The following KIF11 variants were observed in gnomAD, a reference collection of about 807,000 sequenced individuals.
The protein encoded by KIF11 is kinesin family member 11, also known as kinesin-like protein KIF11.
KIF11 carries 9 observed loss-of-function variants against 121.0 expected under a neutral mutation model. That is an observed-to-expected ratio of 0.07 (90% CI 0.04 to 0.13). KIF11 has a LOEUF of 0.13. KIF11 is among the 10% of genes least tolerant of loss of function. The probability of loss-of-function intolerance (pLI) is 1.00; values close to 1 mark genes in which losing one functional copy is unlikely to be tolerated. For missense variants in KIF11, 846 were observed against 1,217.5 expected, an observed-to-expected ratio of 0.69 and a Z score of 4.54; for synonymous variants, 408 against 421.0, an observed-to-expected ratio of 0.97 and a Z score of 0.38.
At chr10:92,631,144 A>G (rs972422428) in intron 12 of KIF11, among the ~76,000 whole-genome samples, 4 of 150,952 alleles carry the variant, frequency 2.6e-5, no homozygotes, top group Non-Finnish European at 5.9e-5. Context: ...AAATACAAAA[A>G]TTAGCCAGGC....
rs544767485 is a variant in KIF11, at chr10:92,632,159, T to C, written c.1495-327T>C. ...AGTTAAAGCATTTCTTCTGATACAA[T>C]GTCTAAAATTGACTTTTTTTTTTTG... On this transcript the variant is annotated intron_variant, in intron 12 of 21. Coordinates refer to ENST00000260731, the MANE Select transcript of KIF11 (RefSeq NM_004523.4). Among the ~76,000 whole-genome samples the C allele has an allele frequency of 7.2e-5, 11 of 152,200 alleles. No individual in the cohort carries two copies. In the East Asian group the frequency reaches 2.1e-3, roughly 29 times the overall value.
chr10:92,636,623 AG>A (rs1844800650), intron 14 of KIF11, among the ~76,000 whole-genome samples: 1 of 152,112 alleles, frequency 6.6e-6, no homozygotes, highest in Non-Finnish European at 1.5e-5. Context: ...TCTCAAAAAA[AG>A]AAAAAAAGAA....
chr10:92,602,529 C>G (rs1420782400), intron 1 of KIF11, among the ~76,000 whole-genome samples: 5 of 151,976 alleles, frequency 3.3e-5, no homozygotes, highest in African/African-American at 1.2e-4. Context: ...GCTGGGTTAT[C>G]CGATTTGTTG....
At chr10:92,619,586 T>C (rs1309775656) in intron 9 of KIF11, among the ~76,000 whole-genome samples, 1 of 152,164 alleles carries the variant, frequency 6.6e-6, no homozygotes, top group East Asian at 1.9e-4. Context: ...TCAAATTGGC[T>C]GTATCATTTT....
At chr10:92,622,883 A>G (rs893394601) in intron 10 of KIF11, among the ~76,000 whole-genome samples, 1 of 152,134 alleles carries the variant, frequency 6.6e-6, no homozygotes. Flanking sequence ...ACATATTCAC[A>G]TGGCGGCAGG....
At chr10:92,625,797 G>T (rs1589599422) in intron 10 of KIF11, among the ~76,000 whole-genome samples, 2 of 152,210 alleles carry the variant, frequency 1.3e-5, no homozygotes, top group East Asian at 3.9e-4. Flanking sequence ...TCCAAGCTGA[G>T]TGCCAAACAA....
intron 10 of KIF11, among the ~76,000 whole-genome samples, chr10:92,627,145 A>G (rs1244301834): frequency 2.0e-5 from 3 of 152,238 alleles, no homozygotes; most frequent in Non-Finnish European, 2.9e-5. Context: ...GCTCTTTTCT[A>G]GCTTTTCCTT....
At position 92,632,655 on chromosome 10, in the gene KIF11, A is replaced by G. The variant is rs752403100; in HGVS notation, c.1664A>G (p.Lys555Arg). 4 of 1,612,934 alleles carry G rather than the reference A, an allele frequency of 2.5e-6. No homozygotes were observed. The highest frequency in any genetic ancestry group is 2.2e-5 in the East Asian group (1 of 44,860). The change falls in exon 13 of 22, where the codon AAG becomes AGG. Residue 555 changes from lysine to arginine, a missense_variant. Around this residue, in one of 5 missense-constraint regions of KIF11, gnomAD observed 492 missense variants for 603.4 expected, o/e 0.82. Coordinates refer to ENST00000260731, the MANE Select transcript of KIF11 (RefSeq NM_004523.4). ...GAATTAATTAAGGATGGCAGCTCAA[A>G]GCAAAAGGCCATGCTAGAAGTACAT... ...MEELIKDGSSKQKAMLEVHKT... is the reference protein window; with the variant it reads ...MEELIKDGSSRQKAMLEVHKT...
chr10:92,610,687 C>T (rs1303111720), intron 6 of KIF11, among the ~76,000 whole-genome samples: 1 of 152,124 alleles, frequency 6.6e-6, no homozygotes, highest in African/African-American at 2.4e-5. Context: ...ATCAGTTTCT[C>T]TGAGCTACAA....
At chr10:92,597,304 C>A (rs569685091) in intron 1 of KIF11, 2 of 214,402 alleles carry the variant, frequency 9.3e-6, no homozygotes, top group Admixed American at 4.5e-5. Context: ...CGTTCTGTCA[C>A]CCAGGCTGGA....
chr10:92,599,524 CAAAAAA>C (rs377476272), intron 1 of KIF11, among the ~76,000 whole-genome samples: 3 of 92,412 alleles, frequency 3.2e-5, no homozygotes, highest in African/African-American at 1.1e-4. Context: ...GACTCTGTCT[CAAAAAA>C]AAAAAAAAAG....
At chr10:92,609,301 A>AGTGTGTGT (rs1554859636) in intron 5 of KIF11, 84 bp from the exon 6 acceptor site, 1 of 574,158 alleles carries the variant, frequency 1.7e-6, no homozygotes, top group African/African-American at 3.4e-5. Context: ...AGAGAGAGAG[A>AGTGTGTGT]GAGTGTGTGT....
In KIF11 at chr10:92,609,475, A is replaced by G; in HGVS notation, c.664A>G (p.Thr222Ala). The G allele has an allele frequency of 6.2e-7, 1 of 1,613,946 alleles. No individual in the cohort carries two copies. The highest frequency in any genetic ancestry group is 8.5e-7 in the Non-Finnish European group (1 of 1,179,944). The change falls in exon 6 of 22, where the codon ACA becomes GCA. Residue 222 changes from threonine to alanine, a missense_variant. Physicochemically the swap from Thr to Ala is moderately conservative, Grantham distance 58. Around this residue, in one of 5 missense-constraint regions of KIF11, gnomAD observed 116 missense variants for 285.3 expected, o/e 0.41. Transcript: ENST00000260731. ...TTTAGAAAAGGGGGCAGCAAAAAGG[A>G]CAACTGCAGCTACTCTGATGAATGC... ...QILEKGAAKR[T>A]TAATLMNAYS...
chr10:92,633,091 G>T (rs1253840364), intron 13 of KIF11, among the ~76,000 whole-genome samples: 1 of 151,840 alleles, frequency 6.6e-6, no homozygotes, highest in Admixed American at 6.6e-5. Flanking sequence ...TATATATCTT[G>T]ATGGTTTGCT....
chr10:92,651,656 C>T (rs555852702), intron 21 of KIF11, among the ~76,000 whole-genome samples: 133 of 151,160 alleles, frequency 8.8e-4, no homozygotes, highest in African/African-American at 2.8e-3. Flanking sequence ...TGTGAGCCAC[C>T]GGCCCGGCCC....
chr10:92,608,909 A>G (rs113400600), intron 4 of KIF11, 111 bp from the exon 5 acceptor site: 3 of 588,456 alleles, frequency 5.1e-6, no homozygotes, highest in African/African-American at 1.9e-5. Context: ...GTTTTGTTTT[A>G]ACTTGCTTTG....
Position 92,609,301 on chromosome 10 carries a change from A to AGT in KIF11, c.574-83_574-82insTG, listed in dbSNP as rs1554859636. 0.024 allele frequency: 14,217 copies of AGT among 595,240 alleles called. 203 individuals are homozygous for AGT. Among genetic ancestry groups the AGT allele is most frequent in the Non-Finnish European group, 0.026 (11,778 of 455,034 alleles). The allele number at this position is 595,240 out of a possible 1,614,324, so 36.9% of individuals were successfully genotyped here. A position where few individuals can be genotyped will look rare whatever the true frequency, so the allele number is the denominator to read the frequency against. On this transcript the variant is annotated intron_variant, in intron 5 of 21. Coordinates refer to ENST00000260731, the MANE Select transcript of KIF11 (RefSeq NM_004523.4). ...GAGAGAGAGAGAGAGAGAGAGAGAG[A>AGT]GAGTGTGTGTGTGTGTGTGTGTGTG...
chr10:92,628,683 G>A (rs1844703277), intron 10 of KIF11, 125 bp from the exon 11 acceptor site: 5 of 528,006 alleles, frequency 9.5e-6, no homozygotes, highest in Non-Finnish European at 1.7e-5. Flanking sequence ...TGACACTTGG[G>A]TATCAAGTGA....
At position 92,613,190 on chromosome 10, in the gene KIF11, A is replaced by G; in HGVS notation, c.789+60A>G. On this transcript the variant is annotated intron_variant, in intron 7 of 21. Coordinates refer to ENST00000260731, the MANE Select transcript of KIF11 (RefSeq NM_004523.4). The surrounding 1 kb of genome is among the most constrained non-coding windows in gnomAD (Gnocchi z 4.2). The stretch of plus-strand genomic sequence containing the variant: ...TAAACACCTTATAGAGCAGCTTGAA[A>G]TTTTGTCCTTGAGACAAAATTTTTG... The G allele has an allele frequency of 5.8e-6, 8 of 1,374,018 alleles. No individual in the cohort carries two copies. Among genetic ancestry groups the G allele is most frequent in the Non-Finnish European group, 8.1e-6 (8 of 993,162 alleles). 85.1% of individuals were successfully genotyped at this position (1,374,018 alleles called of 1,614,324 possible).
Sources: gnomAD v4.1 joint callset for allele counts (sites outside exome capture counted in the v4.1 genomes callset) on GRCh38, gnomAD v4.1.1 for gene constraint, gnomAD v4.1.1 regional missense constraint, Gnocchi (gnomAD v3.1) non-coding constraint, MANE v1.5 for transcripts, NCBI Gene and HGNC (gene_info 2026-07-23, HGNC 2026-07-21) for gene names.